SGCZ: variants seen among roughly 807,000 people sequenced by gnomAD.
SGCZ encodes the protein sarcoglycan zeta, also known as zeta-sarcoglycan.
SGCZ carries 40 observed loss-of-function variants against 41.3 expected under a neutral mutation model. That is an observed-to-expected ratio of 0.97 (90% CI 0.75 to 1.26). The LOEUF is 1.26. Ranked by LOEUF, SGCZ falls within the 50% of genes most tolerant of loss-of-function variation. The probability of loss-of-function intolerance (pLI) is 0.00; values close to 1 mark genes in which losing one functional copy is unlikely to be tolerated. For synonymous variants in SGCZ, 206 were observed against 137.5 expected (o/e 1.50, Z -3.49); for missense variants, 552 against 369.8 (o/e 1.49, Z -4.04).
intron 5 of SGCZ, among the ~76,000 whole-genome samples, chr8:14,135,356 G>T (rs1445888976): frequency 6.6e-6 from 1 of 152,092 alleles, no homozygotes; most frequent in Non-Finnish European, 1.5e-5. Context: ...GATGTGATAG[G>T]AAGAAAGCAG....
chr8:14,355,091 A>G (rs961677093), intron 2 of SGCZ, among the ~76,000 whole-genome samples: 1 of 152,010 alleles, frequency 6.6e-6, no homozygotes, highest in Non-Finnish European at 1.5e-5. Context: ...TTAAATTCAA[A>G]TATGTTATTA....
chr8:14,319,881 T>C (rs1003025895), intron 3 of SGCZ, among the ~76,000 whole-genome samples: 5 of 152,062 alleles, frequency 3.3e-5, no homozygotes, highest in Non-Finnish European at 7.4e-5. Flanking sequence ...GCATTCAGCT[T>C]CTTAATGGTA....
intron 3 of SGCZ, among the ~76,000 whole-genome samples, chr8:14,249,577 A>T (rs936256911): frequency 1.3e-5 from 2 of 152,190 alleles, no homozygotes; most frequent in African/African-American, 4.8e-5. Context: ...ATGATTTCGC[A>T]TACTTTGAAG....
At chr8:14,422,852 C>A (rs1340002445) in intron 2 of SGCZ, among the ~76,000 whole-genome samples, 1 of 152,056 alleles carries the variant, frequency 6.6e-6, no homozygotes, top group Non-Finnish European at 1.5e-5. Context: ...AATAATGAGA[C>A]CTCGTCTTTC....
chr8:14,473,721 A>G lies in SGCZ; in HGVS notation c.234+81011T>C, dbSNP rs112628235. Among the ~76,000 whole-genome samples, 1,410 of 152,150 alleles carry G rather than the reference A, an allele frequency of 9.3e-3. 15 individuals are homozygous for G. The highest frequency in any genetic ancestry group is 0.031 in the African/African-American group (1,306 of 41,512). ...GGGAGGTCGAGGTGGGTGGATCACG[A>G]GGTCAGGAGATCGAGACCAACTTGG... On this transcript the variant is annotated intron_variant, in intron 2 of 7. Transcript: ENST00000382080.
Position 14,725,715 on chromosome 8 carries a change from A to C in SGCZ, c.40-170789T>G, listed in dbSNP as rs1810026875. Among the ~76,000 whole-genome samples the C allele has an allele frequency of 2.6e-5, 4 of 152,324 alleles. No homozygotes were observed. In the South Asian group the frequency reaches 8.3e-4, roughly 32 times the overall value. On this transcript the variant is annotated intron_variant, in intron 1 of 7. Transcript: ENST00000382080. ...ATTTTGGACAACGATATCAAGGGAA[A>C]TAGAGAAGGAGTGTTTTCTGAGTAG...
At chr8:14,122,087 C>A (rs1451338715) in intron 5 of SGCZ, among the ~76,000 whole-genome samples, 2 of 152,116 alleles carry the variant, frequency 1.3e-5, no homozygotes, top group Admixed American at 6.6e-5. Flanking sequence ...GACCATCCTG[C>A]TAACATGGTG....
intron 1 of SGCZ, among the ~76,000 whole-genome samples, chr8:14,637,805 G>A (rs1806883377): frequency 6.6e-6 from 1 of 151,728 alleles, no homozygotes; most frequent in Admixed American, 6.6e-5. Context: ...CTTTTTGGTG[G>A]AACAATTTAT....
intron 1 of SGCZ, among the ~76,000 whole-genome samples, chr8:14,836,032 G>C (rs967975382): frequency 6.6e-6 from 1 of 151,980 alleles, no homozygotes; most frequent in Non-Finnish European, 1.5e-5. Flanking sequence ...TGCCTTCCTT[G>C]GTAAATCTAT....
At chr8:14,119,878 A>G (rs1802645243) in intron 5 of SGCZ, among the ~76,000 whole-genome samples, 1 of 152,196 alleles carries the variant, frequency 6.6e-6, no homozygotes, top group African/African-American at 2.4e-5. Flanking sequence ...TGATTTCCGT[A>G]TGTTGAACCA....
chr8:15,040,576 G>A (rs1804056259), intron 1 of SGCZ, among the ~76,000 whole-genome samples: 1 of 152,072 alleles, frequency 6.6e-6, no homozygotes. Flanking sequence ...AGCCGAGACT[G>A]CACCATTGCA....
intron 1 of SGCZ, among the ~76,000 whole-genome samples, chr8:14,924,628 G>A (rs1799689342): frequency 6.6e-6 from 1 of 151,886 alleles, no homozygotes; most frequent in Non-Finnish European, 1.5e-5. Flanking sequence ...TTCATGGTGG[G>A]CAATGTTTGT....
At chr8:15,102,351 G>A (rs1223324190) in intron 1 of SGCZ, among the ~76,000 whole-genome samples, 1 of 152,168 alleles carries the variant, frequency 6.6e-6, no homozygotes, top group Non-Finnish European at 1.5e-5. Flanking sequence ...TAAGTGGGTT[G>A]CTAGGGGTTG....
At chr8:14,183,382 A>G (rs1472009863) in intron 4 of SGCZ, among the ~76,000 whole-genome samples, 3 of 152,180 alleles carry the variant, frequency 2.0e-5, no homozygotes, top group Non-Finnish European at 2.9e-5. Flanking sequence ...AAAAATGGGA[A>G]ACACTCTCCA....
intron 1 of SGCZ, among the ~76,000 whole-genome samples, chr8:14,613,004 G>C (rs1805979471): frequency 6.6e-6 from 1 of 152,072 alleles, no homozygotes; most frequent in Admixed American, 6.6e-5. Context: ...ATTTTTTAAA[G>C]AGGACAAAAA....
chr8:14,931,405 C>T (rs1158752713), intron 1 of SGCZ, among the ~76,000 whole-genome samples: 1 of 151,772 alleles, frequency 6.6e-6, no homozygotes, highest in African/African-American at 2.4e-5. Context: ...TTCAATATTC[C>T]AGAAAGATAT....
intron 1 of SGCZ, among the ~76,000 whole-genome samples, chr8:14,635,498 A>G (rs1356962162): frequency 6.6e-6 from 1 of 151,942 alleles, no homozygotes; most frequent in Non-Finnish European, 1.5e-5. Context: ...TTTACTTTTC[A>G]TGATTTGTTA....
At position 14,118,771 on chromosome 8, in the gene SGCZ, T is replaced by C. The variant is rs909289795; in HGVS notation, c.548-10536A>G. 2.0e-5 allele frequency among the ~76,000 whole-genome samples: 3 copies of C among 152,242 alleles called. No individual in the cohort carries two copies. The South Asian group carries it at 6.2e-4, about 31-fold the overall frequency. On this transcript the variant is annotated intron_variant, in intron 5 of 7. Transcript: ENST00000382080. The stretch of plus-strand genomic sequence containing the variant: ...CTAGGAAAGGGTCCAGTGTCAGTTT[T>C]CTGCATATGGCTAGCCAGTTTTCCC...
At chr8:14,593,488 T>C (rs1805306232) in intron 1 of SGCZ, among the ~76,000 whole-genome samples, 1 of 152,136 alleles carries the variant, frequency 6.6e-6, no homozygotes, top group Admixed American at 6.6e-5. Flanking sequence ...TTAGCGGCAA[T>C]GGGAAACAAA....
Sources: allele counts gnomAD v4.1 joint callset (sites outside exome capture counted in the v4.1 genomes callset), GRCh38; gene constraint gnomAD v4.1.1; transcripts MANE v1.5; gene names NCBI Gene and HGNC (gene_info 2026-07-23, HGNC 2026-07-21).